KCNA2: variants seen among roughly 807,000 people sequenced by gnomAD.
KCNA2 encodes potassium voltage-gated channel subfamily A member 2, also known as potassium channel, voltage gated shaker related subfamily A, member 2.
Under a neutral mutation model 33.4 loss-of-function variants are expected in KCNA2, and 11 were observed. The observed-to-expected ratio is 0.33, with a 90% CI of 0.21 to 0.55. KCNA2 has a LOEUF of 0.55. KCNA2 is among the 20% of genes least tolerant of loss of function. The probability of loss-of-function intolerance (pLI) is 0.93; values close to 1 mark genes in which losing one functional copy is unlikely to be tolerated. For synonymous variants in KCNA2, 222 were observed against 231.3 expected (o/e 0.96, Z 0.37); for missense variants, 291 against 621.6 (o/e 0.47, Z 5.66).
chr1:110,611,308 C>A (rs1484035327), upstream of KCNA2, among the ~76,000 whole-genome samples: 2 of 152,324 alleles, frequency 1.3e-5, no homozygotes, highest in South Asian at 2.1e-4. Context: ...GGTCAGCCTC[C>A]TGCAGGAAGG....
chr1:110,604,854 T>A lies in KCNA2; in HGVS notation c.-72A>T. ...GGTGGCAGGGAGCTCAGGGTGCTGC[T>A]ACTGGCCCCAGGAAGCACAGGAGCA... On this transcript the variant is annotated 5_prime_UTR_variant, in exon 3 of 3. Transcript: ENST00000316361. This position sits in a 1 kb window ranked among gnomAD's most constrained non-coding sequence, Gnocchi z 7.6. 1.4e-6 allele frequency: 2 copies of A among 1,417,882 alleles called. No homozygotes were observed. The highest frequency in any genetic ancestry group is 2.7e-5 in the South Asian group (2 of 75,076). 87.8% of individuals were successfully genotyped at this position (1,417,882 alleles called of 1,614,324 possible).
chr1:110,593,915 G>A lies in KCNA2; in HGVS notation c.*9368C>T. Reference sequence around the variant, plus strand: ...ATATCAATACATCCTGTGCAATGTAGTTACAGCTGGTGTCTAAATTTTCAA... The same window carrying A: ...ATATCAATACATCCTGTGCAATGTAATTACAGCTGGTGTCTAAATTTTCAA... On this transcript the variant is annotated 3_prime_UTR_variant, in exon 3 of 3. Coordinates refer to ENST00000316361, the MANE Select transcript of KCNA2 (RefSeq NM_004974.4). 2 of 1,549,972 alleles carry A rather than the reference G, an allele frequency of 1.3e-6. No individual in the cohort carries two copies. The highest frequency in any genetic ancestry group is 1.7e-6 in the Non-Finnish European group (2 of 1,146,760).
intron 1 of KCNA2, among the ~76,000 whole-genome samples, chr1:110,630,347 A>G (rs1650520071): frequency 6.6e-6 from 1 of 152,134 alleles, no homozygotes; most frequent in African/African-American, 2.4e-5. Flanking sequence ...TCTCCTTTTT[A>G]GGATATTTAG....
chr1:110,600,321 A>G lies in KCNA2; in HGVS notation c.*2962T>C, dbSNP rs1649282038. 5.1e-6 allele frequency: 5 copies of G among 983,410 alleles called. No individual in the cohort carries two copies. Among genetic ancestry groups the G allele is most frequent in the Admixed American group, 6.2e-5 (1 of 16,018 alleles). 60.9% of individuals were successfully genotyped at this position (983,410 alleles called of 1,614,324 possible). ...ATTTTATGTGTAGAAACAATGGTAA[A>G]GTAGCCTTTGTGTATCTTATATGCA... On this transcript the variant is annotated 3_prime_UTR_variant, in exon 3 of 3. Coordinates refer to ENST00000316361, the MANE Select transcript of KCNA2 (RefSeq NM_004974.4).
chr1:110,610,827 G>A (rs1173766384), upstream of KCNA2, among the ~76,000 whole-genome samples: 1 of 152,178 alleles, frequency 6.6e-6, no homozygotes, highest in East Asian at 1.9e-4. Context: ...AGGGACTTGA[G>A]GCAGTGGTGG....
intron 1 of KCNA2, among the ~76,000 whole-genome samples, chr1:110,612,848 G>A (rs1649919722): frequency 6.6e-6 from 1 of 152,192 alleles, no homozygotes; most frequent in South Asian, 2.1e-4. Context: ...TGCCTCGAAA[G>A]CTCTAACTGG....
At chr1:110,623,812 C>T (rs1650319563) in intron 1 of KCNA2, among the ~76,000 whole-genome samples, 1 of 151,990 alleles carries the variant, frequency 6.6e-6, no homozygotes, top group African/African-American at 2.4e-5. Context: ...ACTGAATAGG[C>T]ATCTCACCAA....
At chr1:110,611,812 C>A (rs1211555992) in intron 1 of KCNA2, among the ~76,000 whole-genome samples, 5 of 151,830 alleles carry the variant, frequency 3.3e-5, no homozygotes, top group Non-Finnish European at 2.9e-5. Context: ...TGTTTGAGCC[C>A]AGGAATTTGA....
intron 1 of KCNA2, among the ~76,000 whole-genome samples, chr1:110,614,276 A>G (rs1396489278): frequency 6.6e-6 from 1 of 152,232 alleles, no homozygotes; most frequent in Admixed American, 6.5e-5. Context: ...TTCTAACTTC[A>G]AAGTGGGCCA....
intron 1 of KCNA2, among the ~76,000 whole-genome samples, chr1:110,629,587 T>C (rs1243224343): frequency 6.6e-6 from 1 of 152,234 alleles, no homozygotes; most frequent in Non-Finnish European, 1.5e-5. Context: ...TTCAGCACTT[T>C]AAATTATTTG....
chr1:110,597,380 A>C lies in KCNA2; in HGVS notation c.*5903T>G. On this transcript the variant is annotated 3_prime_UTR_variant, in exon 3 of 3. Transcript: ENST00000316361. ...TCCATTACATCTGCCAGACTGAGGG[A>C]AAGTCAACAAAATGGGCTGAAAAGG... 1 of 985,322 alleles carries C rather than the reference A, an allele frequency of 1.0e-6. No individual in the cohort carries two copies. Among genetic ancestry groups the C allele is most frequent in the Non-Finnish European group, 1.2e-6 (1 of 829,910 alleles). 61.0% of individuals were successfully genotyped at this position (985,322 alleles called of 1,614,324 possible). A position where few individuals can be genotyped will look rare whatever the true frequency, so the allele number is the denominator to read the frequency against.
rs1212376214 is a variant in KCNA2, at chr1:110,594,732, G to C, written c.*8551C>G. ...CAGAACTGGGGCAAGCACAGAGCAT[G>C]TTCAAACCCTCAGGAGCTGAGACTC... On this transcript the variant is annotated 3_prime_UTR_variant, in exon 3 of 3. Coordinates refer to ENST00000316361, the MANE Select transcript of KCNA2 (RefSeq NM_004974.4). 8 of 985,302 alleles carry C rather than the reference G, an allele frequency of 8.1e-6. No individual in the cohort carries two copies. Among genetic ancestry groups the C allele is most frequent in the Non-Finnish European group, 9.6e-6 (8 of 829,988 alleles). 61.0% of individuals were successfully genotyped at this position (985,302 alleles called of 1,614,324 possible).
In KCNA2 at chr1:110,623,922, C is replaced by CAA. The variant is rs756859389; in HGVS notation, c.-496+7471_-496+7472dup. On this transcript the variant is annotated intron_variant, in intron 1 of 4. Transcript: ENST00000369770. ...AGCATAATGATCAGAACAGTGAAGC[C>CAA]AAAAAAAAAAAAAGAGAAGCACAAA... is the stretch of plus-strand genomic sequence containing the variant. 3.7e-3 allele frequency among the ~76,000 whole-genome samples: 461 copies of CAA among 125,576 alleles called. 2 individuals carry two copies. The highest frequency in any genetic ancestry group is 0.012 in the African/African-American group (433 of 36,410). The allele number at this position is 125,576 out of a possible 152,430, so 82.4% of individuals were successfully genotyped here. A position where few individuals can be genotyped will look rare whatever the true frequency, so the allele number is the denominator to read the frequency against.
chr1:110,614,018 A>G (rs1649971043), intron 1 of KCNA2, among the ~76,000 whole-genome samples: 3 of 152,016 alleles, frequency 2.0e-5, no homozygotes, highest in Admixed American at 2.0e-4. Flanking sequence ...CTAACTTTTC[A>G]ATTGCCTTTT....
Position 110,597,686 on chromosome 1 carries a change from C to T in KCNA2, c.*5597G>A, listed in dbSNP as rs896065364. ...GAAACTACAGAGACTGTGAATGAGC[C>T]CCCAGAAGTCAAGGGCATTATCTGA... is the stretch of plus-strand genomic sequence containing the variant. On this transcript the variant is annotated 3_prime_UTR_variant, in exon 3 of 3. Transcript: ENST00000316361. The T allele has an allele frequency of 6.1e-6, 6 of 985,218 alleles. No homozygotes were observed. In the African/African-American group the frequency reaches 7.0e-5, roughly 11 times the overall value. 61.0% of individuals were successfully genotyped at this position (985,218 alleles called of 1,614,324 possible).
rs543521573 is a variant in KCNA2 at position 110,615,231 on chromosome 1, T to C, written c.-495-9509A>G. On this transcript the variant is annotated intron_variant, in intron 1 of 4. Coordinates refer to the KCNA2 transcript ENST00000369770. ...CAGGGCCCGCCTGCCACACACCACT[T>C]ACCTAGGGCCTTACCTGAATGCTAA... 1.5e-4 allele frequency among the ~76,000 whole-genome samples: 23 copies of C among 152,220 alleles called. No homozygotes were observed. The South Asian group carries it at 4.8e-3, about 32-fold the overall frequency.
rs2101377693 is a variant in KCNA2, at chr1:110,600,388, G to A, written c.*2895C>T. On this transcript the variant is annotated 3_prime_UTR_variant, in exon 3 of 3. Coordinates refer to ENST00000316361, the MANE Select transcript of KCNA2 (RefSeq NM_004974.4). ...GTAGTTTTTTATGTATTTTGCATCT[G>A]AGTTTCAGGTTGTATATTTGTATGT... The A allele has an allele frequency of 2.0e-6, 2 of 984,664 alleles. No individual in the cohort carries two copies. Among genetic ancestry groups the A allele is most frequent in the Non-Finnish European group, 2.4e-6 (2 of 829,742 alleles). The allele number at this position is 984,664 out of a possible 1,614,324, so 61.0% of individuals were successfully genotyped here. A position where few individuals can be genotyped will look rare whatever the true frequency, so the allele number is the denominator to read the frequency against.
intron 1 of KCNA2, among the ~76,000 whole-genome samples, chr1:110,622,749 T>C (rs999080148): frequency 6.6e-6 from 1 of 152,276 alleles, no homozygotes; most frequent in East Asian, 1.9e-4. Flanking sequence ...CATTAAAATA[T>C]AAGATACTTA....
In KCNA2 at chr1:110,604,337, A is replaced by G; in HGVS notation, c.446T>C (p.Val149Ala). The change falls in exon 3 of 3, where the codon GTG becomes GCG. Residue 149 changes from valine to alanine, a missense_variant. This residue lies in a region of KCNA2 where 163 missense variants were observed against 273.5 expected (regional missense o/e 0.60). Transcript: ENST00000316361. The surrounding 1 kb of genome is among the most constrained non-coding windows in gnomAD (Gnocchi z 7.6). ...CTCTGGGTATTCAAAGAGAAGCCAC[A>G]CTTGTCTCTGAAACTCATTTTCAGG... ...PLPENEFQRQVWLLFEYPESS... is the reference protein window; with the variant it reads ...PLPENEFQRQAWLLFEYPESS... 1 of 1,613,046 alleles carries G rather than the reference A, an allele frequency of 6.2e-7. No homozygotes were observed. Among genetic ancestry groups the G allele is most frequent in the Non-Finnish European group, 8.5e-7 (1 of 1,179,702 alleles).
Sources: allele counts gnomAD v4.1 joint callset (sites outside exome capture counted in the v4.1 genomes callset), GRCh38; gene constraint gnomAD v4.1.1; regional missense constraint gnomAD v4.1.1; non-coding constraint Gnocchi (gnomAD v3.1); transcripts MANE v1.5; gene names NCBI Gene and HGNC (gene_info 2026-07-23, HGNC 2026-07-21).